Variants in GLB1L2 observed in about 807,000 individuals in gnomAD.
GLB1L2 encodes beta-galactosidase-1-like protein 2.
Under a neutral mutation model 84.1 loss-of-function variants are expected in GLB1L2, and 68 were observed. The observed-to-expected ratio is 0.81, with a 90% CI of 0.67 to 0.99. The LOEUF is 0.99. GLB1L2 is among the 50% of genes least tolerant of loss of function. The pLI is 0.00. For synonymous variants in GLB1L2, 290 were observed against 318.0 expected (o/e 0.91, Z 0.94); for missense variants, 762 against 805.6 (o/e 0.95, Z 0.66).
At chr11:134,342,362 C>G (rs1172294602) in intron 1 of GLB1L2, among the ~76,000 whole-genome samples, 1 of 152,126 alleles carries the variant, frequency 6.6e-6, no homozygotes. Flanking sequence ...CGTGCCGGGG[C>G]TCGGAGGTAC....
At chr11:134,342,483 G>T (rs1241296135) in intron 1 of GLB1L2, among the ~76,000 whole-genome samples, 1 of 152,122 alleles carries the variant, frequency 6.6e-6, no homozygotes, top group African/African-American at 2.4e-5. Flanking sequence ...TGGCGTGACG[G>T]CTGCCGTCTC....
At chr11:134,348,811 C>CG (rs1432101733) in intron 5 of GLB1L2, among the ~76,000 whole-genome samples, 6 of 152,094 alleles carry the variant, frequency 3.9e-5, no homozygotes, top group Non-Finnish European at 7.4e-5. Flanking sequence ...CTGGCAGATT[C>CG]GGTGTCTGGA....
rs1430584298 is a variant in GLB1L2, at chr11:134,373,753, C to T, written c.1540C>T (p.Pro514Ser). The change falls in exon 16 of 19, where the codon CCC becomes TCC. Residue 514 changes from proline to serine, a missense_variant. Around this residue, in one of 3 missense-constraint regions of GLB1L2, gnomAD observed 603 missense variants for 611.7 expected, o/e 0.99. Coordinates refer to ENST00000535456, the MANE Select transcript of GLB1L2 (RefSeq NM_001370461.1). ...TGGAAATCTCTATCTGAATGATTCA[C>T]CCCTGAAAAACTTCAGAATCTATAG... ...LIGNLYLNDSPLKNFRIYSLD... is the reference protein window; with the variant it reads ...LIGNLYLNDSSLKNFRIYSLD... 6.2e-7 allele frequency: 1 copy of T among 1,613,186 alleles called. No homozygotes were observed. Among genetic ancestry groups the T allele is most frequent in the Admixed American group, 1.7e-5 (1 of 59,980 alleles).
intron 1 of GLB1L2, among the ~76,000 whole-genome samples, chr11:134,341,619 T>C (rs1220590718): frequency 1.3e-5 from 2 of 152,214 alleles, no homozygotes; most frequent in East Asian, 1.9e-4. Flanking sequence ...AGCAGAACCA[T>C]AGTCCTGGAG....
intron 7 of GLB1L2, among the ~76,000 whole-genome samples, chr11:134,363,394 G>T (rs887824626): frequency 6.6e-6 from 1 of 152,260 alleles, no homozygotes; most frequent in African/African-American, 2.4e-5. Flanking sequence ...TGCCAGGCTG[G>T]CTCAGCCTCT....
chr11:134,353,772 T>TTA (rs983782352), intron 5 of GLB1L2, among the ~76,000 whole-genome samples: 8 of 152,330 alleles, frequency 5.3e-5, no homozygotes, highest in African/African-American at 1.9e-4. Flanking sequence ...CCTTTTATCA[T>TTA]TATATATATT....
chr11:134,349,949 C>A (rs193240954), intron 5 of GLB1L2, among the ~76,000 whole-genome samples: 1 of 152,286 alleles, frequency 6.6e-6, no homozygotes, highest in East Asian at 1.9e-4. Context: ...CCTCTTGACT[C>A]TGCCGGCGCC....
chr11:134,332,252 G>C (rs1943309276), intron 1 of GLB1L2, 105 bp downstream of exon 1: 4 of 765,882 alleles, frequency 5.2e-6, no homozygotes, highest in South Asian at 1.8e-5. Context: ...TTCCCGGGGG[G>C]AGCAGCCCCA....
In GLB1L2 at chr11:134,375,820, T is replaced by C. The variant is rs1944018041; in HGVS notation, c.*762T>C. 2 of 119,460 alleles carry C rather than the reference T, an allele frequency of 1.7e-5. No individual in the cohort carries two copies. Among genetic ancestry groups the C allele is most frequent in the African/African-American group, 3.3e-5 (1 of 30,258 alleles). The allele number at this position is 119,460 out of a possible 1,614,324, so 7.4% of individuals were successfully genotyped here. ...ACAGAAGGCCCAGCTCACATGTGAGTCCTGGCAGAAGCCATGGCCCATGTC... is the reference window on the plus strand; with the variant it reads ...ACAGAAGGCCCAGCTCACATGTGAGCCCTGGCAGAAGCCATGGCCCATGTC... On this transcript the variant is annotated 3_prime_UTR_variant, in exon 19 of 19. Coordinates refer to ENST00000535456, the MANE Select transcript of GLB1L2 (RefSeq NM_001370461.1).
chr11:134,368,519 C>T, intron 9 of GLB1L2, 125 bp from the exon 10 acceptor site: 1 of 923,748 alleles, frequency 1.1e-6, no homozygotes. Flanking sequence ...GCTAGAAGGA[C>T]AGAGTGACAA....
At chr11:134,364,635 C>A in intron 8 of GLB1L2, 1 of 515,298 alleles carries the variant, frequency 1.9e-6, no homozygotes, top group Non-Finnish European at 3.4e-6. Flanking sequence ...GAGAGAGGGG[C>A]CCTTTTGGTG....
In GLB1L2 at chr11:134,334,510, T is replaced by A. The variant is rs1341001104; in HGVS notation, c.86+2363T>A. ...AGTGGTCTTTCTTAAAAATTACCTTTATTGGAGTTTAATTAATATGTACAA... is the reference window on the plus strand; with the variant it reads ...AGTGGTCTTTCTTAAAAATTACCTTAATTGGAGTTTAATTAATATGTACAA... On this transcript the variant is annotated intron_variant, in intron 1 of 18. Transcript: ENST00000535456. The surrounding 1 kb of genome is among the most constrained non-coding windows in gnomAD (Gnocchi z 4.1). 6.6e-6 allele frequency among the ~76,000 whole-genome samples: 1 copy of A among 152,134 alleles called. No individual in the cohort carries two copies. Among genetic ancestry groups the A allele is most frequent in the African/African-American group, 2.4e-5 (1 of 41,416 alleles).
rs772087679 is a variant in GLB1L2, at chr11:134,359,141, G to A, written c.733G>A (p.Val245Ile). ...GCTGAGCAAGGGGATTGTCCAGGGAGGTAACTGCACTTGTGTTGGGCCGTG... is the reference window on the plus strand; with the variant it reads ...GCTGAGCAAGGGGATTGTCCAGGGAAGTAACTGCACTTGTGTTGGGCCGTG... ...DGLSKGIVQG[V>I]LATINLQSTH... Residue 245 changes from valine to isoleucine, a missense_variant and splice_region_variant, in exon 7 of 19, where the codon GTC (valine) becomes ATC (isoleucine). Coordinates refer to ENST00000535456, the MANE Select transcript of GLB1L2 (RefSeq NM_001370461.1). The A allele has an allele frequency of 6.3e-7, 1 of 1,596,478 alleles. No homozygotes were observed. The highest frequency in any genetic ancestry group is 1.1e-5 in the South Asian group (1 of 88,154).
intron 8 of GLB1L2, chr11:134,366,945 A>C (rs1449293969): frequency 2.7e-6 from 1 of 376,708 alleles, no homozygotes; most frequent in African/African-American, 2.1e-5. Context: ...GGACAGGCAA[A>C]GCTTGGCTTG....
chr11:134,346,835 A>C (rs894625192), intron 4 of GLB1L2: 4 of 166,246 alleles, frequency 2.4e-5, no homozygotes, highest in Admixed American at 5.5e-5. Flanking sequence ...TGCGCCACTG[A>C]TGCCAAGGCG....
chr11:134,332,461 G>C (rs1293156765), intron 1 of GLB1L2, among the ~76,000 whole-genome samples: 11 of 151,654 alleles, frequency 7.3e-5, no homozygotes, highest in African/African-American at 2.2e-4. Context: ...CCCTCCAGCC[G>C]TCAGAGCCCT....
At chr11:134,343,014 C>CG in intron 2 of GLB1L2, 63 bp downstream of exon 2, 1 of 1,517,250 alleles carries the variant, frequency 6.6e-7, no homozygotes, top group South Asian at 1.3e-5. Context: ...TGTCTGCATG[C>CG]GAAAAAATAT....
chr11:134,353,336 G>A (rs1943658128), intron 5 of GLB1L2, among the ~76,000 whole-genome samples: 1 of 152,154 alleles, frequency 6.6e-6, no homozygotes, highest in Non-Finnish European at 1.5e-5. Context: ...CTTGAACCTG[G>A]GAGATGGAGG....
In GLB1L2 at chr11:134,364,324, A is replaced by G. The variant is rs1398410340; in HGVS notation, c.734-4A>G. 6.2e-7 allele frequency: 1 copy of G among 1,612,806 alleles called. No individual in the cohort carries two copies. The highest frequency in any genetic ancestry group is 2.2e-5 in the East Asian group (1 of 44,876). On this transcript the variant is annotated splice_polypyrimidine_tract_variant and splice_region_variant and intron_variant, in intron 7 of 18. Coordinates refer to ENST00000535456, the MANE Select transcript of GLB1L2 (RefSeq NM_001370461.1). ...GTCTCTCTCTCTCCTCTTCCCTTTAACAGTCTTGGCCACCATCAACTTGCA... is the reference window on the plus strand; with the variant it reads ...GTCTCTCTCTCTCCTCTTCCCTTTAGCAGTCTTGGCCACCATCAACTTGCA...
Sources: allele counts gnomAD v4.1 joint callset (sites outside exome capture counted in the v4.1 genomes callset), GRCh38; gene constraint gnomAD v4.1.1; regional missense constraint gnomAD v4.1.1; non-coding constraint Gnocchi (gnomAD v3.1); transcripts MANE v1.5; gene names NCBI Gene and HGNC (gene_info 2026-07-23, HGNC 2026-07-21).